MS4A4E: variants seen among roughly 807,000 people sequenced by gnomAD.
MS4A4E encodes the protein membrane spanning 4-domains A4E, also known as putative membrane-spanning 4-domains subfamily A member 4E.
In MS4A4E, 23 loss-of-function variants were observed where a neutral mutation model predicts 13.3. The ratio of observed to expected loss-of-function variants is 1.73; its 90% CI spans 1.25 to 2.45. The LOEUF (loss-of-function observed/expected upper bound fraction) is 2.45, where lower values mean the gene tolerates loss of function less well. MS4A4E is among the 30% of genes most tolerant of loss of function. The probability of loss-of-function intolerance (pLI) is 0.00; values close to 1 mark genes in which losing one functional copy is unlikely to be tolerated. For missense variants in MS4A4E, 144 were observed against 131.2 expected (o/e 1.10, Z -0.48); for synonymous variants, 36 against 45.6 (o/e 0.79, Z 0.85).
intron 3 of MS4A4E, among the ~76,000 whole-genome samples, chr11:60,227,278 G>A (rs1025924849): frequency 1.3e-5 from 2 of 152,134 alleles, no homozygotes; most frequent in Non-Finnish European, 2.9e-5. Flanking sequence ...ATGGCCGGGC[G>A]TGGTGGCTCA....
intron 3 of MS4A4E, among the ~76,000 whole-genome samples, chr11:60,222,673 T>A (rs934853367): frequency 3.3e-4 from 51 of 152,316 alleles, no homozygotes; most frequent in African/African-American, 1.0e-3. Context: ...CAACACTATG[T>A]TCTGCTGGCC....
chr11:60,214,680 A>T (rs980052775), intron 3 of MS4A4E, 66 bp from the exon 4 acceptor site: 6 of 1,046,864 alleles, frequency 5.7e-6, no homozygotes, highest in Non-Finnish European at 8.2e-6. Context: ...AGTATTGGAA[A>T]TCACAACTTA....
chr11:60,233,157 A>T (rs2084434513), intron 1 of MS4A4E, among the ~76,000 whole-genome samples: 1 of 152,146 alleles, frequency 6.6e-6, no homozygotes, highest in South Asian at 2.1e-4. Flanking sequence ...AGGCCTAGTC[A>T]TTCCTGAGGC....
chr11:60,226,673 A>G (rs1338602708), intron 3 of MS4A4E, among the ~76,000 whole-genome samples: 1 of 152,212 alleles, frequency 6.6e-6, no homozygotes, highest in Non-Finnish European at 1.5e-5. Context: ...ATAAAACTAC[A>G]GCTAACTTCA....
intron 3 of MS4A4E, among the ~76,000 whole-genome samples, chr11:60,222,961 A>G (rs2084290816): frequency 6.6e-6 from 1 of 152,150 alleles, no homozygotes; most frequent in South Asian, 2.1e-4. Flanking sequence ...GATTAAGGTC[A>G]ATGGGAAACT....
chr11:60,213,172 T>A, intron 4 of MS4A4E, 40 bp from the exon 5 acceptor site: 1 of 962,670 alleles, frequency 1.0e-6, no homozygotes. Context: ...TCCAACATCA[T>A]CCTCAGATAT....
At position 60,241,873 on chromosome 11, in the gene MS4A4E, C is replaced by T. The variant is rs2084556960; in HGVS notation, c.-17+1085G>A. On this transcript the variant is annotated intron_variant, in intron 1 of 8. Transcript: ENST00000651255. ...AACTACAATGTCTTCCCCGCCCCTC[C>T]TCCCCACCCCGGATAAAGAGGTGGG... Among the ~76,000 whole-genome samples the T allele has an allele frequency of 5.9e-5, 9 of 152,194 alleles. No individual in the cohort carries two copies. In the South Asian group the frequency reaches 1.9e-3, roughly 32 times the overall value.
At chr11:60,203,218 A>G (rs1320626198) in intron 8 of MS4A4E, among the ~76,000 whole-genome samples, 1 of 152,076 alleles carries the variant, frequency 6.6e-6, no homozygotes, top group African/African-American at 2.4e-5. Flanking sequence ...ATTTGCTTTT[A>G]TATTGTTTAA....
intron 1 of MS4A4E, among the ~76,000 whole-genome samples, chr11:60,236,484 T>G (rs950943968): frequency 2.6e-5 from 4 of 152,138 alleles, no homozygotes; most frequent in Non-Finnish European, 4.4e-5. Context: ...TTTAACATTT[T>G]GTAGTATTCG....
chr11:60,235,525 T>C (rs1323840846), intron 1 of MS4A4E, among the ~76,000 whole-genome samples: 1 of 152,228 alleles, frequency 6.6e-6, no homozygotes, highest in Non-Finnish European at 1.5e-5. Context: ...GATTAGCGAC[T>C]ACTTGTAGGG....
At chr11:60,205,388 A>G (rs567862365) in intron 7 of MS4A4E, among the ~76,000 whole-genome samples, 2 of 152,218 alleles carry the variant, frequency 1.3e-5, no homozygotes, top group African/African-American at 2.4e-5. Flanking sequence ...TGTCTGCCCC[A>G]TTGTAGATAC....
intron 8 of MS4A4E, among the ~76,000 whole-genome samples, chr11:60,204,057 G>A (rs1425207559): frequency 2.6e-5 from 4 of 152,138 alleles, no homozygotes; most frequent in African/African-American, 9.7e-5. Context: ...GTTTATGTAT[G>A]CGCTAATTTA....
intron 5 of MS4A4E, among the ~76,000 whole-genome samples, chr11:60,211,188 G>A (rs1389230137): frequency 6.6e-6 from 1 of 152,192 alleles, no homozygotes; most frequent in Non-Finnish European, 1.5e-5. Flanking sequence ...GGAAATTAGA[G>A]ACAAGAAGTT....
intron 3 of MS4A4E, among the ~76,000 whole-genome samples, chr11:60,218,211 G>A (rs1386758504): frequency 6.6e-6 from 1 of 152,088 alleles, no homozygotes; most frequent in African/African-American, 2.4e-5. Context: ...TAAATTTTTG[G>A]TCAGACCAGT....
chr11:60,229,876 A>T, intron 2 of MS4A4E, 36 bp downstream of exon 2: 1 of 1,562,486 alleles, frequency 6.4e-7, no homozygotes, highest in South Asian at 1.2e-5. Flanking sequence ...AGTTTACAAC[A>T]CTATTGGTCT....
chr11:60,220,615 C>T (rs1434759882), intron 3 of MS4A4E, among the ~76,000 whole-genome samples: 2 of 152,170 alleles, frequency 1.3e-5, no homozygotes, highest in Non-Finnish European at 2.9e-5. Flanking sequence ...AGCAAGCACA[C>T]TGGACTTATT....
At chr11:60,222,366 A>G (rs2084280519) in intron 3 of MS4A4E, among the ~76,000 whole-genome samples, 1 of 152,298 alleles carries the variant, frequency 6.6e-6, no homozygotes, top group African/African-American at 2.4e-5. Flanking sequence ...GCTCATTCTC[A>G]TGGAATTCAC....
intron 1 of MS4A4E, among the ~76,000 whole-genome samples, chr11:60,237,466 G>C (rs866609182): frequency 2.6e-5 from 4 of 152,062 alleles, no homozygotes; most frequent in African/African-American, 4.8e-5. Flanking sequence ...ATATACCCAC[G>C]GTGGGATTGA....
At chr11:60,217,402 TC>T (rs1339027363) in intron 3 of MS4A4E, among the ~76,000 whole-genome samples, 1 of 151,218 alleles carries the variant, frequency 6.6e-6, no homozygotes, top group East Asian at 1.9e-4. Context: ...GCTTGTAAAC[TC>T]TCAGGAGCCT....
Sources: allele counts gnomAD v4.1 joint callset (sites outside exome capture counted in the v4.1 genomes callset), GRCh38; gene constraint gnomAD v4.1.1; transcripts MANE v1.5; gene names NCBI Gene and HGNC (gene_info 2026-07-23, HGNC 2026-07-21).